CSMD1: variants seen among roughly 807,000 people sequenced by gnomAD.
The protein encoded by CSMD1 is CUB and Sushi multiple domains 1, also known as CUB and sushi domain-containing protein 1.
A neutral mutation model predicts 417.5 loss-of-function variants in CSMD1; 213 were observed. That is an observed-to-expected ratio of 0.51 (90% CI 0.46 to 0.57). CSMD1 has a LOEUF of 0.57. Among genes scored for constraint, CSMD1 ranks in the 20% least tolerant of loss-of-function variants. CSMD1 has a pLI of 0.00. For missense variants in CSMD1, 6,923 were observed against 4,529.7 expected, an observed-to-expected ratio of 1.53 and a Z score of -15.17; for synonymous variants, 2,862 against 1,736.8, an observed-to-expected ratio of 1.65 and a Z score of -16.11.
At chr8:4,839,893 A>G (rs1489786106) in intron 1 of CSMD1, among the ~76,000 whole-genome samples, 1 of 152,232 alleles carries the variant, frequency 6.6e-6, no homozygotes, top group Admixed American at 6.5e-5. Context: ...ATTCTGAGGA[A>G]CAACTAACCT....
chr8:4,609,127 C>T (rs919248611), intron 2 of CSMD1, among the ~76,000 whole-genome samples: 8 of 152,152 alleles, frequency 5.3e-5, no homozygotes, highest in African/African-American at 1.7e-4. Flanking sequence ...TCGCCAGATG[C>T]GCTGGCTCAT....
At chr8:3,288,868 C>T (rs1391762550) in intron 25 of CSMD1, among the ~76,000 whole-genome samples, 2 of 146,714 alleles carry the variant, frequency 1.4e-5, no homozygotes, top group Non-Finnish European at 1.5e-5. Context: ...GGTACATGTG[C>T]ACAACCTACA....
At chr8:3,760,808 T>C (rs1790284042) in intron 5 of CSMD1, among the ~76,000 whole-genome samples, 1 of 152,198 alleles carries the variant, frequency 6.6e-6, no homozygotes, top group East Asian at 1.9e-4. Context: ...TTAACTATGA[T>C]GACTCAGAAG....
intron 3 of CSMD1, among the ~76,000 whole-genome samples, chr8:4,347,535 G>T (rs548280705): frequency 6.6e-6 from 1 of 152,270 alleles, no homozygotes; most frequent in East Asian, 1.9e-4. Flanking sequence ...ACAGGATAAG[G>T]CTGTCTCAAC....
At chr8:4,621,047 T>C (rs1023520108) in intron 2 of CSMD1, among the ~76,000 whole-genome samples, 3 of 152,084 alleles carry the variant, frequency 2.0e-5, no homozygotes, top group South Asian at 2.1e-4. Flanking sequence ...ATTTTTATCA[T>C]ATATTCGTCA....
At chr8:3,965,656 C>T (rs377521688) in intron 5 of CSMD1, among the ~76,000 whole-genome samples, 75 of 152,152 alleles carry the variant, frequency 4.9e-4, no homozygotes, top group Non-Finnish European at 8.5e-4. Context: ...CTCACCCTGT[C>T]GCCCAGGCTG....
At chr8:4,075,821 A>G (rs1418681842) in intron 3 of CSMD1, among the ~76,000 whole-genome samples, 3 of 152,198 alleles carry the variant, frequency 2.0e-5, no homozygotes, top group East Asian at 1.9e-4. Context: ...CATGGTTGTC[A>G]GAGTGAAAAA....
intron 5 of CSMD1, among the ~76,000 whole-genome samples, chr8:3,943,057 A>G (rs1810986776): frequency 6.6e-6 from 1 of 152,126 alleles, no homozygotes; most frequent in East Asian, 1.9e-4. Context: ...AGAGAAGATA[A>G]ATGCAATAAA....
At chr8:4,855,443 G>A (rs1801741108) in intron 1 of CSMD1, among the ~76,000 whole-genome samples, 1 of 152,106 alleles carries the variant, frequency 6.6e-6, no homozygotes, top group Admixed American at 6.6e-5. Context: ...AGAGAAGAAG[G>A]CTTCAGACGA....
chr8:4,341,481 G>A (rs1800474935), intron 3 of CSMD1, among the ~76,000 whole-genome samples: 1 of 152,038 alleles, frequency 6.6e-6, no homozygotes. Context: ...GTGATCAAAG[G>A]ACAGACTACT....
chr8:3,411,431 T>C (rs950774078), intron 12 of CSMD1, among the ~76,000 whole-genome samples: 12 of 151,912 alleles, frequency 7.9e-5, no homozygotes, highest in African/African-American at 2.7e-4. Context: ...TGTAGTCTTC[T>C]ATTCCTCATC....
At chr8:4,586,753 G>A (rs971365316) in intron 2 of CSMD1, among the ~76,000 whole-genome samples, 2 of 152,120 alleles carry the variant, frequency 1.3e-5, no homozygotes, top group African/African-American at 2.4e-5. Context: ...GAATAGCTGT[G>A]CGGTTCCCCA....
chr8:3,684,640 C>G (rs1799851572), intron 7 of CSMD1, among the ~76,000 whole-genome samples: 1 of 148,594 alleles, frequency 6.7e-6, no homozygotes, highest in South Asian at 2.1e-4. Context: ...CTCTCTCGCC[C>G]AGGCTGGAGT....
chr8:2,947,268 T>A (rs769532464), intron 68 of CSMD1, among the ~76,000 whole-genome samples: 11 of 152,214 alleles, frequency 7.2e-5, no homozygotes, highest in Non-Finnish European at 1.5e-4. Flanking sequence ...CAAATTAATT[T>A]TATTTTAGTA....
intron 17 of CSMD1, among the ~76,000 whole-genome samples, chr8:3,388,407 A>G (rs540844866): frequency 6.6e-6 from 1 of 152,354 alleles, no homozygotes; most frequent in South Asian, 2.1e-4. Context: ...AAATGAGAAT[A>G]AGGGAAAAGA....
intron 1 of CSMD1, among the ~76,000 whole-genome samples, chr8:4,896,080 C>T (rs1563700706): frequency 6.6e-6 from 1 of 152,072 alleles, no homozygotes; most frequent in Non-Finnish European, 1.5e-5. Flanking sequence ...TAGAGGCCTT[C>T]CTCTGTCTGA....
chr8:4,967,954 T>C (rs1013503619), intron 1 of CSMD1, among the ~76,000 whole-genome samples: 4 of 152,116 alleles, frequency 2.6e-5, no homozygotes, highest in African/African-American at 9.7e-5. Flanking sequence ...TATTTTTTTT[T>C]CTAAATAAAG....
At chr8:4,335,119 C>A (rs1455923282) in intron 3 of CSMD1, among the ~76,000 whole-genome samples, 9 of 152,078 alleles carry the variant, frequency 5.9e-5, no homozygotes, top group African/African-American at 2.2e-4. Context: ...CCAGATTGAT[C>A]TTCAACTTCT....
chr8:3,005,616 A>G (rs144829738), intron 52 of CSMD1, among the ~76,000 whole-genome samples: 2,722 of 152,336 alleles, frequency 0.018, 83 homozygotes, highest in African/African-American at 0.061. Flanking sequence ...GGCTGGTTCA[A>G]TTACACAAAT....
Sources: allele counts gnomAD v4.1 joint callset (sites outside exome capture counted in the v4.1 genomes callset), GRCh38; gene constraint gnomAD v4.1.1; transcripts MANE v1.5; gene names NCBI Gene and HGNC (gene_info 2026-07-23, HGNC 2026-07-21).